GLCCI1: variants seen among roughly 807,000 people sequenced by gnomAD.
GLCCI1 encodes glucocorticoid induced 1, also known as glucocorticoid-induced transcript 1 protein.
A neutral mutation model predicts 52.2 loss-of-function variants in GLCCI1; 24 were observed. That is an observed-to-expected ratio of 0.46 (90% CI 0.33 to 0.65). GLCCI1 has a LOEUF of 0.65. Ranked by LOEUF, GLCCI1 falls within the 30% of genes least tolerant of loss-of-function variation. The pLI, the probability that GLCCI1 is intolerant of heterozygous loss-of-function variation, is 0.02. For synonymous variants in GLCCI1, 310 were observed against 276.5 expected (o/e 1.12, Z -1.20); for missense variants, 704 against 701.5 (o/e 1.00, Z -0.04).
At chr7:7,995,003 A>G (rs1355342838) in intron 1 of GLCCI1, among the ~76,000 whole-genome samples, 1 of 152,184 alleles carries the variant, frequency 6.6e-6, no homozygotes, top group African/African-American at 2.4e-5. Flanking sequence ...TAGGGAGAGC[A>G]TGTGAGTGTA....
chr7:8,081,732 G>C (rs968905745), intron 6 of GLCCI1, among the ~76,000 whole-genome samples: 9 of 152,136 alleles, frequency 5.9e-5, no homozygotes, highest in Non-Finnish European at 8.8e-5. Flanking sequence ...ATTATCATAT[G>C]TTTAAAAGTA....
Position 8,086,372 on chromosome 7 carries a change from CCGTTGAGCAGCTCTCAT to C in GLCCI1, c.1480_1496del (p.Val494ProfsTer9). 1.2e-6 allele frequency: 2 copies of C among 1,614,136 alleles called. No homozygotes were observed. Among genetic ancestry groups the C allele is most frequent in the Non-Finnish European group, 1.7e-6 (2 of 1,180,024 alleles). On this transcript the variant is annotated frameshift_variant, in exon 8 of 8. Coordinates refer to ENST00000223145, the MANE Select transcript of GLCCI1 (RefSeq NM_138426.4). LOFTEE classifies it high-confidence loss of function. This position sits in a 1 kb window ranked among gnomAD's most constrained non-coding sequence, Gnocchi z 4.4. ...CAGAGCTCAGCTTTGGCAACTCTGACCGTTGAGCAGCTCTCATCCCGGGTTTCCTTTACGTCTCTTTC... is the reference window on the plus strand; with the variant it reads ...CAGAGCTCAGCTTTGGCAACTCTGACCCCGGGTTTCCTTTACGTCTCTTTC...
chr7:8,003,392 G>A (rs62433404), intron 1 of GLCCI1, among the ~76,000 whole-genome samples: 65,085 of 151,494 alleles, frequency 0.43, 14,177 homozygotes, highest in Middle Eastern at 0.5. Flanking sequence ...GGCCATTCAT[G>A]TGACGCTTAG....
intron 2 of GLCCI1, among the ~76,000 whole-genome samples, chr7:8,008,276 ATGT>A (rs1344498913): frequency 6.6e-6 from 1 of 151,276 alleles, no homozygotes; most frequent in Non-Finnish European, 1.5e-5. Context: ...TGTAAGTTAA[ATGT>A]TGTATATCTT....
At chr7:8,000,354 A>G (rs1053369103) in intron 1 of GLCCI1, among the ~76,000 whole-genome samples, 1 of 152,222 alleles carries the variant, frequency 6.6e-6, no homozygotes, top group Non-Finnish European at 1.5e-5. Flanking sequence ...TAGTATTAAT[A>G]GAACTAGAAA....
chr7:7,988,855 C>A (rs1780786638), intron 1 of GLCCI1, among the ~76,000 whole-genome samples: 1 of 152,076 alleles, frequency 6.6e-6, no homozygotes, highest in Non-Finnish European at 1.5e-5. Context: ...TTTCTGGCCC[C>A]CTTTGCAGTT....
At chr7:7,981,944 A>G (rs980905257) in intron 1 of GLCCI1, 9 of 442,626 alleles carry the variant, frequency 2.0e-5, no homozygotes, top group Non-Finnish European at 4.1e-5. Flanking sequence ...AAGTAAAAGA[A>G]GATGAAGACT....
At chr7:8,006,450 G>A (rs567304332) in intron 2 of GLCCI1, among the ~76,000 whole-genome samples, 1 of 152,154 alleles carries the variant, frequency 6.6e-6, no homozygotes, top group South Asian at 2.1e-4. Flanking sequence ...TGTGCAGTGG[G>A]GTTAATAAAA....
chr7:8,031,746 A>G (rs1272236173), intron 3 of GLCCI1, among the ~76,000 whole-genome samples: 2 of 152,018 alleles, frequency 1.3e-5, no homozygotes, highest in African/African-American at 4.8e-5. Flanking sequence ...GACTGAAAGC[A>G]AAAAGATGGG....
At chr7:7,978,865 C>A (rs1186723844) in intron 1 of GLCCI1, among the ~76,000 whole-genome samples, 1 of 152,104 alleles carries the variant, frequency 6.6e-6, no homozygotes, top group East Asian at 1.9e-4. Flanking sequence ...GTGAAGTGAT[C>A]TTTCTATGAA....
intron 1 of GLCCI1, among the ~76,000 whole-genome samples, chr7:7,977,150 G>A (rs1475323693): frequency 6.6e-6 from 1 of 152,086 alleles, no homozygotes; most frequent in Non-Finnish European, 1.5e-5. Flanking sequence ...GCTTTCTGAT[G>A]AAACATTTTC....
In GLCCI1 at chr7:7,969,045, G is replaced by A. The variant is rs777401917; in HGVS notation, c.-306G>A. 2 of 172,622 alleles carry A rather than the reference G, an allele frequency of 1.2e-5. No homozygotes were observed. Among genetic ancestry groups the A allele is most frequent in the Non-Finnish European group, 2.5e-5 (2 of 80,890 alleles). The allele number at this position is 172,622 out of a possible 1,614,324, so 10.7% of individuals were successfully genotyped here. ...CGGGCCGTTGCCCTGTCAGCACGAT[G>A]CCTGGAGCGGTGGCGGCGGCGGCTC... On this transcript the variant is annotated 5_prime_UTR_variant, in exon 1 of 8. The change abolishes an upstream ATG in the 5' untranslated region. Coordinates refer to ENST00000223145, the MANE Select transcript of GLCCI1 (RefSeq NM_138426.4). The surrounding 1 kb of genome is among the most constrained non-coding windows in gnomAD (Gnocchi z 4.9).
At chr7:8,025,644 A>G (rs1377892091) in intron 3 of GLCCI1, among the ~76,000 whole-genome samples, 1 of 152,218 alleles carries the variant, frequency 6.6e-6, no homozygotes, top group African/African-American at 2.4e-5. Context: ...TTTGATGAAA[A>G]ACAATCTACA....
intron 6 of GLCCI1, among the ~76,000 whole-genome samples, chr7:8,072,852 A>G (rs1782793422): frequency 6.6e-6 from 1 of 152,140 alleles, no homozygotes; most frequent in Admixed American, 6.5e-5. Context: ...TGGATAATTG[A>G]GAGATGCTGA....
intron 2 of GLCCI1, among the ~76,000 whole-genome samples, chr7:8,017,014 G>C (rs983889474): frequency 3.3e-5 from 5 of 152,154 alleles, no homozygotes; most frequent in Admixed American, 6.5e-5. Context: ...ACAATTTCTG[G>C]TAGGTCAGGA....
At chr7:8,063,677 G>T (rs530455807) in intron 5 of GLCCI1, among the ~76,000 whole-genome samples, 1 of 144,232 alleles carries the variant, frequency 6.9e-6, no homozygotes, top group Non-Finnish European at 1.5e-5. Flanking sequence ...GGAGTATAGC[G>T]GCACAGTCAT....
At chr7:8,009,926 C>T (rs1387901897) in intron 2 of GLCCI1, among the ~76,000 whole-genome samples, 1 of 150,780 alleles carries the variant, frequency 6.6e-6, no homozygotes, top group Non-Finnish European at 1.5e-5. Flanking sequence ...AACCTGAGCA[C>T]TGGAAGTGGT....
At chr7:8,022,086 A>C (rs990009401) in intron 2 of GLCCI1, among the ~76,000 whole-genome samples, 1 of 152,202 alleles carries the variant, frequency 6.6e-6, no homozygotes, top group African/African-American at 2.4e-5. Context: ...GGTCATTCTT[A>C]ATACTATTGC....
chr7:8,013,322 C>T (rs1343348389), intron 2 of GLCCI1, among the ~76,000 whole-genome samples: 2 of 152,154 alleles, frequency 1.3e-5, no homozygotes, highest in African/African-American at 2.4e-5. Context: ...TTCAAAGTGA[C>T]TAACAGTTGA....
Sources: gnomAD v4.1 joint callset for allele counts (sites outside exome capture counted in the v4.1 genomes callset) on GRCh38, gnomAD v4.1.1 for gene constraint, Gnocchi (gnomAD v3.1) non-coding constraint, MANE v1.5 for transcripts, NCBI Gene and HGNC (gene_info 2026-07-23, HGNC 2026-07-21) for gene names.